AMPD1: variants seen among roughly 807,000 people sequenced by gnomAD.
The protein encoded by AMPD1 is AMP deaminase 1.
Under a neutral mutation model 82.9 loss-of-function variants are expected in AMPD1, and 74 were observed. That is an observed-to-expected ratio of 0.89 (90% CI 0.74 to 1.08). The LOEUF is 1.08. Ranked by LOEUF, AMPD1 falls within the 50% of genes least tolerant of loss-of-function variation. The pLI, the probability that AMPD1 is intolerant of heterozygous loss-of-function variation, is 0.00. For missense variants in AMPD1, 881 were observed against 924.5 expected (o/e 0.95, Z 0.61); for synonymous variants, 333 against 320.5 (o/e 1.04, Z -0.42).
At chr1:114,675,775 C>G (rs2101711974) in intron 11 of AMPD1, 82 bp from the exon 12 acceptor site, 8 of 1,613,250 alleles carry the variant, frequency 5.0e-6, no homozygotes, top group Non-Finnish European at 6.8e-6. Flanking sequence ...GGTCCAAAGG[C>G]ACAGACCAAA....
At position 114,675,711 on chromosome 1, in the gene AMPD1, C is replaced by T. The variant is rs745329451; in HGVS notation, c.1516-18G>A. ...CCAGTGATCTGTTAGGAAAAGTGAG[C>T]CATGCAATGGGTTCAGTCCAACTTC... On this transcript the variant is annotated intron_variant, in intron 11 of 15. Coordinates refer to ENST00000520113, the MANE Select transcript of AMPD1 (RefSeq NM_000036.3). The T allele has an allele frequency of 5.6e-6, 9 of 1,613,904 alleles. No individual in the cohort carries two copies. Among genetic ancestry groups the T allele is most frequent in the African/African-American group, 1.3e-5 (1 of 74,914 alleles).
intron 1 of AMPD1, among the ~76,000 whole-genome samples, chr1:114,695,126 T>C (rs1658637881): frequency 6.6e-6 from 1 of 152,224 alleles, no homozygotes; most frequent in Non-Finnish European, 1.5e-5. Flanking sequence ...AGAGTCATTA[T>C]GTAGAAGCCG....
chr1:114,674,892 A>G lies in AMPD1; in HGVS notation c.1680-20T>C, dbSNP rs771812174. On this transcript the variant is annotated intron_variant, in intron 12 of 15. Transcript: ENST00000520113. ...CGTTCCCTGGGGAAATAGAACTGCTATTGGAATCGCAGGTTCTGGGTATGG... is the reference window on the plus strand; with the variant it reads ...CGTTCCCTGGGGAAATAGAACTGCTGTTGGAATCGCAGGTTCTGGGTATGG... 7 of 1,613,984 alleles carry G rather than the reference A, an allele frequency of 4.3e-6. No individual in the cohort carries two copies. The East Asian group carries it at 1.1e-4, about 26-fold the overall frequency.
intron 2 of AMPD1, 104 bp from the exon 3 acceptor site, chr1:114,688,845 G>T (rs1658424502): frequency 1.5e-6 from 2 of 1,317,384 alleles, no homozygotes; most frequent in African/African-American, 1.4e-5. Flanking sequence ...CTGCGTGCAT[G>T]GCTCTCCTGC....
At chr1:114,688,534 A>G (rs1298741818) in intron 3 of AMPD1, 27 bp downstream of exon 3, 1 of 1,613,230 alleles carries the variant, frequency 6.2e-7, no homozygotes. Flanking sequence ...GTGCCAATAT[A>G]CTAAGCACTC....
Position 114,695,448 on chromosome 1 carries a change from A to G in AMPD1, c.22+2T>C, listed in dbSNP as rs1658649641. On this transcript the variant is annotated splice_donor_variant, in intron 1 of 15. Transcript: ENST00000520113. LOFTEE classifies it high-confidence loss of function. ...AGCTCTCCAAACACTTTGTACACCT[A>G]CCTGGGAGTTTGAACAGAGGCATTG... The G allele has an allele frequency of 6.2e-7, 1 of 1,613,846 alleles. No individual in the cohort carries two copies. The highest frequency in any genetic ancestry group is 8.5e-7 in the Non-Finnish European group (1 of 1,179,968).
At chr1:114,688,796 G>A (rs1156430785) in intron 2 of AMPD1, 55 bp from the exon 3 acceptor site, 1 of 1,595,368 alleles carries the variant, frequency 6.3e-7, no homozygotes, top group Non-Finnish European at 8.6e-7. Context: ...AGTCAGCTGA[G>A]AGTTTCTGCT....
intron 2 of AMPD1, 114 bp downstream of exon 2, chr1:114,693,322 G>T (rs1658576864): frequency 2.9e-6 from 3 of 1,049,612 alleles, no homozygotes; most frequent in Admixed American, 1.7e-5. Flanking sequence ...GACTTTCAAG[G>T]CTATTATTTA....
chr1:114,677,172 GT>G (rs1658011362), intron 10 of AMPD1, among the ~76,000 whole-genome samples, 178 bp downstream of exon 10: 1 of 151,874 alleles, frequency 6.6e-6, no homozygotes, highest in Non-Finnish European at 1.5e-5. Flanking sequence ...ACTCCTGTCT[GT>G]GGTTAAGAGT....
At position 114,680,404 on chromosome 1, in the gene AMPD1, G is replaced by T. The variant is rs1387897324; in HGVS notation, c.622C>A (p.Leu208Ile). 1 of 1,614,162 alleles carries T rather than the reference G, an allele frequency of 6.2e-7. No individual in the cohort carries two copies. Among genetic ancestry groups the T allele is most frequent in the Non-Finnish European group, 8.5e-7 (1 of 1,180,030 alleles). The change falls in exon 6 of 16, where the codon CTC becomes ATC. Residue 208 changes from leucine (L) to isoleucine (I), a missense_variant. Leu to Ile is a conservative substitution (Grantham distance 5, BLOSUM62 2). This residue lies in a region of AMPD1 where 783 missense variants were observed against 786.4 expected (regional missense o/e 1.00). Transcript: ENST00000520113. ...DNLPENLGYH[L>I]KMKDGVVYVY... ...TAAACTACACCGTCCTTCATTTTGA[G>T]GTGATAGCCCAGGTTTTCAGGAAGG...
chr1:114,680,411 G>A lies in AMPD1; in HGVS notation c.615C>T (p.Gly205=). 1.2e-6 allele frequency: 2 copies of A among 1,614,168 alleles called. No individual in the cohort carries two copies. The highest frequency in any genetic ancestry group is 1.7e-6 in the Non-Finnish European group (2 of 1,180,036). ...FRTDNLPENL[G]YHLKMKDGVV... ...CACCGTCCTTCATTTTGAGGTGATAGCCCAGGTTTTCAGGAAGGTTGTCTG... is the reference window on the plus strand; with the variant it reads ...CACCGTCCTTCATTTTGAGGTGATAACCCAGGTTTTCAGGAAGGTTGTCTG... The change falls in exon 6 of 16, where the codon GGC becomes GGT. Residue 205 remains glycine, a synonymous_variant. Transcript: ENST00000520113.
Position 114,695,516 on chromosome 1 carries a change from G to A in AMPD1, c.-45C>T, listed in dbSNP as rs772335812. 1 of 1,614,096 alleles carries A rather than the reference G, an allele frequency of 6.2e-7. No individual in the cohort carries two copies. The highest frequency in any genetic ancestry group is 1.7e-5 in the Admixed American group (1 of 60,022). On this transcript the variant is annotated 5_prime_UTR_variant, in exon 1 of 16. Transcript: ENST00000520113. ...TCTAGGATAGCACAGTAGAAAAGAAGAGAGAGGAGACTGTGGGGTGACTGA... is the reference window on the plus strand; with the variant it reads ...TCTAGGATAGCACAGTAGAAAAGAAAAGAGAGGAGACTGTGGGGTGACTGA...
intron 2 of AMPD1, among the ~76,000 whole-genome samples, chr1:114,689,579 G>T (rs1315766408): frequency 2.0e-5 from 3 of 152,212 alleles, no homozygotes; most frequent in African/African-American, 7.2e-5. Flanking sequence ...CGCTTTGGGA[G>T]GGTGAGGAGA....
intron 12 of AMPD1, 146 bp from the exon 13 acceptor site, chr1:114,675,018 T>G: frequency 9.1e-7 from 1 of 1,100,210 alleles, no homozygotes; most frequent in Non-Finnish European, 1.3e-6. Flanking sequence ...ATCTTAATTC[T>G]TGCTAAATAC....
rs1657881491 is a variant in AMPD1 at position 114,673,165 on chromosome 1, G to A, written c.2193C>T (p.Thr731=). The change falls in exon 16 of 16, where the codon ACC becomes ACT. Residue 731 remains threonine (T), a synonymous_variant. Transcript: ENST00000520113. ...AQIRMAYRYE[T]WCYELNLIAE... ...CAATTAAATTGAGTTCATAACACCAGGTTTCATAGCGATAGGCCATGCGGA... is the reference window on the plus strand; with the variant it reads ...CAATTAAATTGAGTTCATAACACCAAGTTTCATAGCGATAGGCCATGCGGA... 6.2e-7 allele frequency: 1 copy of A among 1,613,920 alleles called. No individual in the cohort carries two copies. Among genetic ancestry groups the A allele is most frequent in the African/African-American group, 1.3e-5 (1 of 74,896 alleles).
At position 114,688,650 on chromosome 1, in the gene AMPD1, A is replaced by G. The variant is rs1421806829; in HGVS notation, c.126T>C (p.Asp42=). ...GAGAAATCGGACAGATCTCATCCAC[A>G]TCAAAGGGGGAAATCTCCTGACGAC... is the stretch of plus-strand genomic sequence containing the variant. ...EGGRQEISPF[D]VDEICPISHH... The change falls in exon 3 of 16, where the codon GAT becomes GAC. Residue 42 remains aspartate, a synonymous_variant. Coordinates refer to ENST00000520113, the MANE Select transcript of AMPD1 (RefSeq NM_000036.3). 1.2e-6 allele frequency: 2 copies of G among 1,614,212 alleles called. No individual in the cohort carries two copies. Among genetic ancestry groups the G allele is most frequent in the Non-Finnish European group, 1.7e-6 (2 of 1,180,040 alleles).
chr1:114,695,425 C>G (rs773350976), intron 1 of AMPD1, 25 bp downstream of exon 1: 14 of 1,611,478 alleles, frequency 8.7e-6, no homozygotes, highest in Non-Finnish European at 1.1e-5. Context: ...AACAACTGAG[C>G]TCTCCAAACA....
At chr1:114,680,792 C>A (rs1244093309) in intron 5 of AMPD1, among the ~76,000 whole-genome samples, 2 of 152,054 alleles carry the variant, frequency 1.3e-5, no homozygotes, top group Non-Finnish European at 2.9e-5. Flanking sequence ...TATGGTGAAA[C>A]CCCGTCTCTA....
chr1:114,677,593 C>G (rs1288041380), intron 9 of AMPD1, 79 bp from the exon 10 acceptor site: 13 of 1,571,268 alleles, frequency 8.3e-6, no homozygotes, highest in African/African-American at 2.7e-5. Context: ...GATTCCCTTT[C>G]TAACTCTTCC....
Sources: allele counts gnomAD v4.1 joint callset (sites outside exome capture counted in the v4.1 genomes callset), GRCh38; gene constraint gnomAD v4.1.1; regional missense constraint gnomAD v4.1.1; transcripts MANE v1.5; gene names NCBI Gene and HGNC (gene_info 2026-07-23, HGNC 2026-07-21).